The following ARHGEF7 variants were observed in gnomAD, a reference collection of about 807,000 sequenced individuals.
The protein encoded by ARHGEF7 is PAK-interacting exchange factor beta.
In ARHGEF7, 33 loss-of-function variants were observed where a neutral mutation model predicts 109.8. That is an observed-to-expected ratio of 0.30 (90% CI 0.23 to 0.40). The LOEUF (loss-of-function observed/expected upper bound fraction) is 0.40, where lower values mean the gene tolerates loss of function less well. ARHGEF7 is among the 10% of genes least tolerant of loss of function. The pLI is 1.00. For missense variants in ARHGEF7, 938 were observed against 1,098.5 expected (o/e 0.85, Z 2.07); for synonymous variants, 458 against 424.6 (o/e 1.08, Z -0.97).
At chr13:111,203,452 A>G (rs1233465886) in intron 2 of ARHGEF7, among the ~76,000 whole-genome samples, 4 of 152,354 alleles carry the variant, frequency 2.6e-5, no homozygotes, top group East Asian at 3.9e-4. Flanking sequence ...TCTAAAGACT[A>G]TCTGTTCTAA....
chr13:111,221,802 A>C (rs368054729), intron 5 of ARHGEF7, among the ~76,000 whole-genome samples: 59 of 151,568 alleles, frequency 3.9e-4, no homozygotes, highest in African/African-American at 1.2e-3. Flanking sequence ...ACACCTATGG[A>C]TTCATATATG....
rs3749398 is a variant in ARHGEF7 at position 111,145,172 on chromosome 13, G to A, written c.166-8733G>A. ...TTTTTAAAGGCTGTATGGTAGTGGTGATAGTCTGTTTGTGGAAGCATTAGA... is the reference window on the plus strand; with the variant it reads ...TTTTTAAAGGCTGTATGGTAGTGGTAATAGTCTGTTTGTGGAAGCATTAGA... On this transcript the variant is annotated intron_variant, in intron 1 of 21. Coordinates refer to ENST00000646102, the MANE Select transcript of ARHGEF7 (RefSeq NM_001354046.2). This position sits in a 1 kb window ranked among gnomAD's most constrained non-coding sequence, Gnocchi z 4.3. 6.6e-6 allele frequency among the ~76,000 whole-genome samples: 1 copy of A among 152,132 alleles called. No homozygotes were observed. Among genetic ancestry groups the A allele is most frequent in the East Asian group, 1.9e-4 (1 of 5,190 alleles).
chr13:111,256,162 G>T (rs1489242020), intron 8 of ARHGEF7, among the ~76,000 whole-genome samples: 1 of 152,162 alleles, frequency 6.6e-6, no homozygotes, highest in Non-Finnish European at 1.5e-5. Flanking sequence ...TTAGTAGGCT[G>T]TAGCTATGGA....
At chr13:111,287,050 C>G (rs1009104870) in intron 17 of ARHGEF7, among the ~76,000 whole-genome samples, 1 of 152,236 alleles carries the variant, frequency 6.6e-6, no homozygotes, top group South Asian at 2.1e-4. Flanking sequence ...GTCCCACACG[C>G]TCACTGTGCC....
At chr13:111,293,698 A>G (rs1219157884) in intron 19 of ARHGEF7, 1 of 985,448 alleles carries the variant, frequency 1.0e-6, no homozygotes, top group Non-Finnish European at 1.2e-6. Context: ...ACAAGATGCC[A>G]TAGTAAATTG....
At chr13:111,241,790 G>T (rs538231202) in intron 6 of ARHGEF7, among the ~76,000 whole-genome samples, 1 of 152,180 alleles carries the variant, frequency 6.6e-6, no homozygotes, top group Non-Finnish European at 1.5e-5. Context: ...GGTGTGCAGT[G>T]AGCAGTATTG....
chr13:111,175,403 T>C (rs572132073), intron 2 of ARHGEF7, among the ~76,000 whole-genome samples: 1 of 152,270 alleles, frequency 6.6e-6, no homozygotes, highest in Non-Finnish European at 1.5e-5. Flanking sequence ...CCTGTGAGAC[T>C]CAAAGCCTGG....
At chr13:111,279,444 G>T (rs536114694) in intron 13 of ARHGEF7, among the ~76,000 whole-genome samples, 2 of 152,296 alleles carry the variant, frequency 1.3e-5, no homozygotes, top group African/African-American at 2.4e-5. Context: ...TTCTCTGTGG[G>T]GGCACGTTCC....
intron 3 of ARHGEF7, chr13:111,209,216 C>G (rs1311314045): frequency 6.6e-6 from 1 of 152,018 alleles, no homozygotes; most frequent in Admixed American, 6.6e-5. Context: ...AATTGAGTCA[C>G]TTTTAAGAAT....
Position 111,305,177 on chromosome 13 carries a change from T to TA in ARHGEF7, c.*2065dup, listed in dbSNP as rs1346191150. 1 of 152,240 alleles carries TA rather than the reference T, an allele frequency of 6.6e-6. No homozygotes were observed. Among genetic ancestry groups the TA allele is most frequent in the African/African-American group, 2.4e-5 (1 of 41,460 alleles). 9.4% of individuals were successfully genotyped at this position (152,240 alleles called of 1,614,324 possible). ...CGGTGCGGCCATGAGGGCCTCATGT[T>TA]ACGGCATTGCCTTTTCTTTCTGTGG... is the stretch of plus-strand genomic sequence containing the variant. On this transcript the variant is annotated 3_prime_UTR_variant, in exon 22 of 22. Transcript: ENST00000646102.
At chr13:111,177,715 TA>T (rs2078302873) in intron 2 of ARHGEF7, among the ~76,000 whole-genome samples, 1 of 152,162 alleles carries the variant, frequency 6.6e-6, no homozygotes, top group African/African-American at 2.4e-5. Context: ...CCAGACTGGG[TA>T]AAAGGCATGT....
intron 1 of ARHGEF7, among the ~76,000 whole-genome samples, chr13:111,146,973 T>C (rs897326164): frequency 6.6e-6 from 1 of 152,236 alleles, no homozygotes; most frequent in African/African-American, 2.4e-5. Flanking sequence ...GAGTTCTTGA[T>C]GGAAAAGCCT....
chr13:111,170,428 C>T (rs948564310), intron 2 of ARHGEF7, among the ~76,000 whole-genome samples: 5 of 152,218 alleles, frequency 3.3e-5, no homozygotes, highest in East Asian at 3.8e-4. Context: ...GAAGACCAAA[C>T]GTGGACGTCA....
At chr13:111,251,812 G>A (rs955345646) in intron 8 of ARHGEF7, among the ~76,000 whole-genome samples, 3 of 152,032 alleles carry the variant, frequency 2.0e-5, no homozygotes, top group South Asian at 2.1e-4. Context: ...TCATTCTCCC[G>A]GAACCACTCT....
chr13:111,179,076 C>T (rs1485212606), intron 2 of ARHGEF7, among the ~76,000 whole-genome samples: 1 of 46,016 alleles, frequency 2.2e-5, no homozygotes, highest in African/African-American at 9.5e-5. Context: ...GTTCAAATGC[C>T]TGTTCTTTTT....
intron 1 of ARHGEF7, among the ~76,000 whole-genome samples, chr13:111,139,814 G>A (rs2075267073): frequency 6.6e-6 from 1 of 152,242 alleles, no homozygotes; most frequent in Admixed American, 6.5e-5. Flanking sequence ...GCCTGCAGGT[G>A]GGCAGTCCTG....
At chr13:111,292,475 G>A in intron 19 of ARHGEF7, 181 bp downstream of exon 19, 3 of 1,439,664 alleles carry the variant, frequency 2.1e-6, no homozygotes, top group Non-Finnish European at 2.7e-6. Context: ...TGTACTTTGT[G>A]GAGGCTTAAC....
At chr13:111,164,223 G>C (rs2076955603) in intron 2 of ARHGEF7, among the ~76,000 whole-genome samples, 1 of 152,228 alleles carries the variant, frequency 6.6e-6, no homozygotes, top group Admixed American at 6.5e-5. Context: ...CAGATCAGGA[G>C]GCTGAGACTT....
At chr13:111,235,086 T>C (rs1290319176) in intron 6 of ARHGEF7, among the ~76,000 whole-genome samples, 6 of 152,262 alleles carry the variant, frequency 3.9e-5, no homozygotes, top group Admixed American at 2.0e-4. Context: ...TATAAGACAC[T>C]GCTTTTTTGG....
Sources: allele counts gnomAD v4.1 joint callset (sites outside exome capture counted in the v4.1 genomes callset), GRCh38; gene constraint gnomAD v4.1.1; non-coding constraint Gnocchi (gnomAD v3.1); transcripts MANE v1.5; gene names NCBI Gene and HGNC (gene_info 2026-07-23, HGNC 2026-07-21).